CDK5RAP2: variants seen among roughly 807,000 people sequenced by gnomAD.
The protein encoded by CDK5RAP2 is CDK5 regulatory subunit-associated protein 2.
A neutral mutation model predicts 232.9 loss-of-function variants in CDK5RAP2; 147 were observed. The observed-to-expected ratio is 0.63, with a 90% confidence interval of 0.55 to 0.72. The LOEUF is 0.72. CDK5RAP2 is among the 30% of genes least tolerant of loss of function. The probability of loss-of-function intolerance (pLI) is 0.00; values close to 1 mark genes in which losing one functional copy is unlikely to be tolerated. For missense variants in CDK5RAP2, 2,195 were observed against 2,231.5 expected, an observed-to-expected ratio of 0.98 and a Z score of 0.33; for synonymous variants, 833 against 833.7, an observed-to-expected ratio of 1.00 and a Z score of 0.01.
At chr9:120,431,685 C>T (rs936344176) in intron 25 of CDK5RAP2, among the ~76,000 whole-genome samples, 3 of 152,208 alleles carry the variant, frequency 2.0e-5, no homozygotes, top group Non-Finnish European at 4.4e-5. Flanking sequence ...CAGCAGAGAA[C>T]TAAGGCAAAG....
rs574142994 is a variant in CDK5RAP2 at position 120,415,286 on chromosome 9, A to G, written c.4178-127T>C. The G allele has an allele frequency of 2.0e-5, 21 of 1,062,054 alleles. No homozygotes were observed. The South Asian group carries it at 2.8e-4, about 14-fold the overall frequency. 65.8% of individuals were successfully genotyped at this position (1,062,054 alleles called of 1,614,324 possible). On this transcript the variant is annotated intron_variant, in intron 27 of 37. Transcript: ENST00000349780. ...GTGTTAAGATGGTTAGCAACTGGCAATTCTTTCCTAGGCATGGGGAGGGTG... is the reference window on the plus strand; with the variant it reads ...GTGTTAAGATGGTTAGCAACTGGCAGTTCTTTCCTAGGCATGGGGAGGGTG...
intron 34 of CDK5RAP2, 58 bp from the exon 35 acceptor site, chr9:120,400,943 A>G: frequency 1.3e-6 from 2 of 1,592,444 alleles, no homozygotes; most frequent in South Asian, 2.2e-5. Context: ...TTAGACAAGC[A>G]AGCCTTAACA....
chr9:120,483,132 G>A (rs2038413310), intron 14 of CDK5RAP2, among the ~76,000 whole-genome samples: 1 of 152,190 alleles, frequency 6.6e-6, no homozygotes, highest in Non-Finnish European at 1.5e-5. Context: ...AGGCCTCTCA[G>A]TGCAGAGAAG....
chr9:120,536,964 GGT>G (rs1247024155), intron 6 of CDK5RAP2, among the ~76,000 whole-genome samples: 1 of 150,082 alleles, frequency 6.7e-6, no homozygotes, highest in African/African-American at 2.5e-5. Context: ...GTATCTCCAA[GGT>G]GATTCAGTTG....
In CDK5RAP2 at chr9:120,403,893, C is replaced by G. The variant is rs747538264; in HGVS notation, c.5041+143G>C. 1 of 695,526 alleles carries G rather than the reference C, an allele frequency of 1.4e-6. No homozygotes were observed. The highest frequency in any genetic ancestry group is 2.6e-6 in the Non-Finnish European group (1 of 378,280). The allele number at this position is 695,526 out of a possible 1,614,324, so 43.1% of individuals were successfully genotyped here. The stretch of plus-strand genomic sequence containing the variant: ...CTGGCTTGAAGGAGAAGATCACCAG[C>G]TGGGGATGCTGAGAACTTGAAATCC... On this transcript the variant is annotated intron_variant, in intron 33 of 37. Coordinates refer to ENST00000349780, the MANE Select transcript of CDK5RAP2 (RefSeq NM_018249.6). This position sits in a 1 kb window ranked among gnomAD's most constrained non-coding sequence, Gnocchi z 4.2.
In CDK5RAP2 at chr9:120,416,651, C is replaced by T. The variant is rs533183712; in HGVS notation, c.4178-1492G>A. 1.2e-4 allele frequency among the ~76,000 whole-genome samples: 19 copies of T among 152,324 alleles called. No homozygotes were observed. The South Asian group carries it at 2.7e-3, about 22-fold the overall frequency. The stretch of plus-strand genomic sequence containing the variant: ...TTTGTTCAGCCTCTGCCACATCTCA[C>T]TTTAACAAAGAAAGAAGAAAGCACA... On this transcript the variant is annotated intron_variant, in intron 27 of 37. Transcript: ENST00000349780.
chr9:120,425,164 T>C (rs2034815462), intron 25 of CDK5RAP2, among the ~76,000 whole-genome samples: 2 of 152,206 alleles, frequency 1.3e-5, no homozygotes, highest in South Asian at 4.1e-4. Context: ...TGTGCCCTGA[T>C]GCCACCAGCA....
intron 12 of CDK5RAP2, among the ~76,000 whole-genome samples, chr9:120,509,862 T>C (rs912061360): frequency 2.0e-5 from 3 of 152,194 alleles, no homozygotes; most frequent in Non-Finnish European, 4.4e-5. Context: ...TTGACTCGTG[T>C]TTCTGGCTTC....
At chr9:120,392,319 G>A (rs1564158881) in intron 36 of CDK5RAP2, among the ~76,000 whole-genome samples, 2 of 152,188 alleles carry the variant, frequency 1.3e-5, no homozygotes, top group South Asian at 2.1e-4. Flanking sequence ...ATGAGGAATC[G>A]AAAGCTTAGG....
intron 17 of CDK5RAP2, among the ~76,000 whole-genome samples, chr9:120,469,154 T>C (rs1391171318): frequency 6.6e-6 from 1 of 152,234 alleles, no homozygotes; most frequent in Non-Finnish European, 1.5e-5. Flanking sequence ...CCCAAATTTT[T>C]ATTCTCCTTG....
At chr9:120,481,176 TGA>T (rs2131584311) in intron 14 of CDK5RAP2, among the ~76,000 whole-genome samples, 1 of 152,344 alleles carries the variant, frequency 6.6e-6, no homozygotes, top group African/African-American at 2.4e-5. Flanking sequence ...GAGGAAACTG[TGA>T]CACACAAGGC....
chr9:120,477,599 T>C (rs953457113), intron 14 of CDK5RAP2, 149 bp from the exon 15 acceptor site: 3 of 694,176 alleles, frequency 4.3e-6, no homozygotes, highest in Non-Finnish European at 7.8e-6. Flanking sequence ...CAGGCCACAG[T>C]CAGAGAGCAC....
intron 35 of CDK5RAP2, among the ~76,000 whole-genome samples, chr9:120,397,163 A>G (rs530054801): frequency 2.6e-5 from 4 of 152,272 alleles, no homozygotes; most frequent in South Asian, 2.1e-4. Context: ...GACTTCGGGG[A>G]CAGGAATTTT....
At chr9:120,523,162 G>A (rs1396763034) in intron 11 of CDK5RAP2, among the ~76,000 whole-genome samples, 1 of 152,152 alleles carries the variant, frequency 6.6e-6, no homozygotes, top group Non-Finnish European at 1.5e-5. Flanking sequence ...GACCAACACT[G>A]TACATTGTAA....
rs752307809 is a variant in CDK5RAP2, at chr9:120,477,386, T to C, written c.1691A>G (p.Tyr564Cys). ...IQVLKKEQDI[Y>C]THLVKSLQES... Reference sequence around the variant, plus strand: ...CTGCAGAGATTTGACCAGATGGGTATAGATGTCCTGCTCTTTCTTTAAGAC... The same window carrying C: ...CTGCAGAGATTTGACCAGATGGGTACAGATGTCCTGCTCTTTCTTTAAGAC... The change falls in exon 15 of 38, where the codon TAT becomes TGT. Residue 564 changes from tyrosine to cysteine, a missense_variant. Transcript: ENST00000349780. 6 of 1,614,006 alleles carry C rather than the reference T, an allele frequency of 3.7e-6. No homozygotes were observed. The highest frequency in any genetic ancestry group is 2.2e-5 in the South Asian group (2 of 91,082).
intron 25 of CDK5RAP2, among the ~76,000 whole-genome samples, chr9:120,427,825 A>G: frequency 6.6e-6 from 1 of 152,180 alleles, no homozygotes; most frequent in Non-Finnish European, 1.5e-5. Flanking sequence ...ACCACACCAT[A>G]CCTATTCCAA....
At chr9:120,419,028 G>A (rs1350567051) in intron 27 of CDK5RAP2, among the ~76,000 whole-genome samples, 2 of 152,188 alleles carry the variant, frequency 1.3e-5, no homozygotes, top group Admixed American at 6.5e-5. Context: ...TTAGGAAGTG[G>A]GGGCTTTGGG....
intron 25 of CDK5RAP2, among the ~76,000 whole-genome samples, chr9:120,434,028 A>G (rs2035431942): frequency 6.6e-6 from 1 of 152,252 alleles, no homozygotes; most frequent in Non-Finnish European, 1.5e-5. Flanking sequence ...CAGAATAAAA[A>G]ACATATAACA....
intron 2 of CDK5RAP2, among the ~76,000 whole-genome samples, chr9:120,569,887 G>C (rs1432989402): frequency 1.3e-5 from 2 of 152,160 alleles, no homozygotes; most frequent in Non-Finnish European, 2.9e-5. Context: ...AGGATGGAAG[G>C]AGTATAGGTG....
Sources: allele counts gnomAD v4.1 joint callset (sites outside exome capture counted in the v4.1 genomes callset), GRCh38; gene constraint gnomAD v4.1.1; non-coding constraint Gnocchi (gnomAD v3.1); transcripts MANE v1.5; gene names NCBI Gene and HGNC (gene_info 2026-07-23, HGNC 2026-07-21).